Variants in GPR17 observed in about 807,000 individuals in gnomAD.
GPR17 encodes the protein uracil nucleotide/cysteinyl leukotriene receptor.
Under a neutral mutation model 1.5 loss-of-function variants are expected in GPR17, and 4 were observed. The ratio of observed to expected loss-of-function variants is 2.73; its 90% confidence interval spans 1.35 to 6.25. The LOEUF (loss-of-function observed/expected upper bound fraction) is 6.25. Among genes scored for constraint, GPR17 ranks in the 30% most tolerant of loss-of-function variants. GPR17 has a pLI of 0.00. For synonymous variants in GPR17, 209 were observed against 207.6 expected (o/e 1.01, Z -0.06); for missense variants, 463 against 462.1 (o/e 1.00, Z -0.02).
chr2:127,649,179 G>GGAAAGAAGGAAGGAAGGAAGGAAA (rs1316602152), intron 1 of GPR17, among the ~76,000 whole-genome samples: 2,119 of 118,448 alleles, frequency 0.018, 53 homozygotes, highest in African/African-American at 0.091. Flanking sequence ...AAGGAAGGAA[G>GGAAAGAAGGAAGGAAGGAAGGAAA]GAAGGAAGGA....
intron 1 of GPR17, chr2:127,648,183 T>G: frequency 1.0e-6 from 1 of 985,376 alleles, no homozygotes; most frequent in Non-Finnish European, 1.2e-6. Flanking sequence ...AACTCCACAT[T>G]GGACTAAGAA....
At chr2:127,650,158 C>A in intron 1 of GPR17, 2 of 1,284,302 alleles carry the variant, frequency 1.6e-6, no homozygotes, top group Non-Finnish European at 2.2e-6. Context: ...GTGCCAGGGG[C>A]AAGCCATGGT....
At position 127,650,152 on chromosome 2, in the gene GPR17, C is replaced by T. The variant is rs1487239615; in HGVS notation, c.-20-564C>T. ...ATCCTGGGGGCACCCTCCTAAGTGC[C>T]AGGGGCAAGCCATGGTCAGGGGAAG... On this transcript the variant is annotated intron_variant, in intron 1 of 1. Transcript: ENST00000486700. 3.8e-6 allele frequency: 5 copies of T among 1,328,308 alleles called. No individual in the cohort carries two copies. The East Asian group carries it at 1.2e-4, about 33-fold the overall frequency. The allele number at this position is 1,328,308 out of a possible 1,614,324, so 82.3% of individuals were successfully genotyped here. A position where few individuals can be genotyped will look rare whatever the true frequency, so the allele number is the denominator to read the frequency against.
intron 1 of GPR17, among the ~76,000 whole-genome samples, chr2:127,649,492 C>T (rs1455299587): frequency 6.6e-6 from 1 of 152,244 alleles, no homozygotes; most frequent in African/African-American, 2.4e-5. Flanking sequence ...ACCCACCTGG[C>T]CGAAGCCCGC....
Position 127,651,351 on chromosome 2 carries a change from A to G in GPR17, c.616A>G (p.Ile206Val), listed in dbSNP as rs1402822916. 6.2e-7 allele frequency: 1 copy of G among 1,612,132 alleles called. No individual in the cohort carries two copies. ...SLAVAFTFPF[I>V]TTVTCYLLII... ...GGCAGTGGCCTTCACCTTCCCGTTC[A>G]TCACCACGGTCACCTGCTACCTGCT... The change falls in exon 2 of 2, where the codon ATC becomes GTC. Residue 206 changes from isoleucine to valine, a missense_variant. Transcript: ENST00000486700.
intron 1 of GPR17, among the ~76,000 whole-genome samples, chr2:127,649,493 C>T (rs763124778): frequency 3.2e-4 from 49 of 152,334 alleles, no homozygotes; most frequent in African/African-American, 8.4e-4. Context: ...CCCACCTGGC[C>T]GAAGCCCGCT....
intron 1 of GPR17, chr2:127,650,455 T>G (rs571642858): frequency 6.3e-4 from 347 of 551,042 alleles, no homozygotes; most frequent in African/African-American, 5.8e-3. Context: ...GCCTCAGATC[T>G]CCTGGGTGGC....
rs1222206319 is a variant in GPR17, at chr2:127,647,046, G to A, written c.-21+802G>A. 6.6e-6 allele frequency among the ~76,000 whole-genome samples: 1 copy of A among 152,062 alleles called. No homozygotes were observed. Among genetic ancestry groups the A allele is most frequent in the Admixed American group, 6.5e-5 (1 of 15,276 alleles). Reference sequence around the variant, plus strand: ...GCAGGAAGTGGAGGGCAGTGCCCAGGCTGAGGCCCCCGGGCTGGAGGCAGG... The same window carrying A: ...GCAGGAAGTGGAGGGCAGTGCCCAGACTGAGGCCCCCGGGCTGGAGGCAGG... On this transcript the variant is annotated intron_variant, in intron 1 of 1. Coordinates refer to ENST00000486700, the MANE Select transcript of GPR17 (RefSeq NM_001161417.2). This position sits in a 1 kb window ranked among gnomAD's most constrained non-coding sequence, Gnocchi z 4.3.
chr2:127,651,289 A>C lies in GPR17; in HGVS notation c.554A>C (p.Tyr185Ser), dbSNP rs1683751962. 1 of 1,607,850 alleles carries C rather than the reference A, an allele frequency of 6.2e-7. No individual in the cohort carries two copies. The highest frequency in any genetic ancestry group is 1.3e-5 in the African/African-American group (1 of 74,922). Residue 185 changes from tyrosine (Y) to serine (S), a missense_variant, in exon 2 of 2, where the codon TAC becomes TCC. Physicochemically the swap from Tyr to Ser is moderately radical, Grantham distance 144. Transcript: ENST00000486700. The stretch of plus-strand genomic sequence containing the variant: ...CACACGGTGGTCTGCCTGCAGCTGT[A>C]CCGGGAGAAGGCCTCCCACCATGCC... Reference protein sequence around the residue: ...TNHTVVCLQLYREKASHHALV... With the variant: ...TNHTVVCLQLSREKASHHALV...
chr2:127,648,804 C>T (rs1683272422), intron 1 of GPR17, among the ~76,000 whole-genome samples: 1 of 151,280 alleles, frequency 6.6e-6, no homozygotes, highest in Non-Finnish European at 1.5e-5. Context: ...GCCTGTAGTC[C>T]CAGCTATTCA....
At chr2:127,648,054 T>C in intron 1 of GPR17, 1 of 985,786 alleles carries the variant, frequency 1.0e-6, no homozygotes, top group Non-Finnish European at 1.2e-6. Context: ...TCTTCGGCCC[T>C]CAGCTCTCCG....
In GPR17 at chr2:127,651,765, G is replaced by A. The variant is rs369774464; in HGVS notation, c.*10G>A. On this transcript the variant is annotated 3_prime_UTR_variant, in exon 2 of 2. Coordinates refer to ENST00000486700, the MANE Select transcript of GPR17 (RefSeq NM_001161417.2). Reference sequence around the variant, plus strand: ...CAAGTCAGAGCTGTGAGCGGGGGGCGCCGTCCAGGCCGAGCGCAGACTGTT... The same window carrying A: ...CAAGTCAGAGCTGTGAGCGGGGGGCACCGTCCAGGCCGAGCGCAGACTGTT... The A allele has an allele frequency of 3.4e-5, 54 of 1,607,250 alleles. No individual in the cohort carries two copies. The highest frequency in any genetic ancestry group is 5.0e-5 in the Admixed American group (3 of 59,794).
In GPR17 at chr2:127,651,693, C is replaced by A; in HGVS notation, c.958C>A (p.Pro320Thr). Residue 320 changes from proline to threonine, a missense_variant, in exon 2 of 2, where the codon CCG (proline) becomes ACG (threonine). Physicochemically the swap from Pro to Thr is conservative, Grantham distance 38. Transcript: ENST00000486700. ...GCTCTGTGGCAAAAGGCTCAAGGGC[C>A]CGCCCCCCAGCTTCGAAGGGAAAAC... ...NLLCGKRLKG[P>T]PPSFEGKTNE... The A allele has an allele frequency of 1.2e-6, 2 of 1,613,172 alleles. No individual in the cohort carries two copies. The highest frequency in any genetic ancestry group is 1.7e-6 in the Non-Finnish European group (2 of 1,180,022).
In GPR17 at chr2:127,647,774, A is replaced by G. The variant is rs936727902; in HGVS notation, c.-21+1530A>G. Among the ~76,000 whole-genome samples the G allele has an allele frequency of 3.3e-5, 5 of 151,596 alleles. No individual in the cohort carries two copies. The highest frequency in any genetic ancestry group is 1.3e-4 in the Admixed American group (2 of 15,264). On this transcript the variant is annotated intron_variant, in intron 1 of 1. Coordinates refer to ENST00000486700, the MANE Select transcript of GPR17 (RefSeq NM_001161417.2). The surrounding 1 kb of genome is among the most constrained non-coding windows in gnomAD (Gnocchi z 4.3). ...CATGGGCTGTCCTCTCTGCTTGCCCATGCGTCTGCCCTGGAGCCCTGTTCC... is the reference window on the plus strand; with the variant it reads ...CATGGGCTGTCCTCTCTGCTTGCCCGTGCGTCTGCCCTGGAGCCCTGTTCC...
Position 127,651,091 on chromosome 2 carries a change from T to C in GPR17, c.356T>C (p.Ile119Thr), listed in dbSNP as rs1683720485. 5.6e-6 allele frequency: 9 copies of C among 1,613,600 alleles called. No individual in the cohort carries two copies. The highest frequency in any genetic ancestry group is 2.7e-5 in the African/African-American group (2 of 74,952). ...TTCTACCTCAACATGTACGCCAGCA[T>C]CTACTTCCTCACCTGCATCAGCGCC... ...FLFYLNMYAS[I>T]YFLTCISADR... Residue 119 changes from isoleucine (I) to threonine (T), a missense_variant, in exon 2 of 2, where the codon ATC (isoleucine) becomes ACC (threonine). Ile to Thr is a moderately conservative substitution (Grantham distance 89, BLOSUM62 -1). Transcript: ENST00000486700.
Position 127,647,080 on chromosome 2 carries a change from C to T in GPR17, c.-21+836C>T, listed in dbSNP as rs1683070368. Among the ~76,000 whole-genome samples the T allele has an allele frequency of 6.6e-6, 1 of 152,214 alleles. No individual in the cohort carries two copies. Among genetic ancestry groups the T allele is most frequent in the Non-Finnish European group, 1.5e-5 (1 of 68,034 alleles). ...CCCGGGCTGGAGGCAGGAGGCACCA[C>T]AGGCCCACCTGGTGCCATGAGATAT... On this transcript the variant is annotated intron_variant, in intron 1 of 1. Coordinates refer to ENST00000486700, the MANE Select transcript of GPR17 (RefSeq NM_001161417.2). This position sits in a 1 kb window ranked among gnomAD's most constrained non-coding sequence, Gnocchi z 4.3.
rs1165640177 is a variant in GPR17 at position 127,651,200 on chromosome 2, G to T, written c.465G>T (p.Leu155=). 1.2e-6 allele frequency: 2 copies of T among 1,610,486 alleles called. No individual in the cohort carries two copies. The highest frequency in any genetic ancestry group is 1.7e-6 in the Non-Finnish European group (2 of 1,179,740). ...PLYAHLACAF[L]WVVVAVAMAP... is the part of the protein sequence containing the mutation. The stretch of plus-strand genomic sequence containing the variant: ...ACGCACACCTGGCCTGTGCCTTCCT[G>T]TGGGTGGTGGTGGCTGTGGCCATGG... The change falls in exon 2 of 2, where the codon CTG becomes CTT. Residue 155 remains leucine, a synonymous_variant. Transcript: ENST00000486700.
rs60864320 is a variant in GPR17 at position 127,652,330 on chromosome 2, C to T, written c.*575C>T. 30 of 173,694 alleles carry T rather than the reference C, an allele frequency of 1.7e-4. No homozygotes were observed. The East Asian group carries it at 5.4e-3, about 31-fold the overall frequency. The allele number at this position is 173,694 out of a possible 1,614,324, so 10.8% of individuals were successfully genotyped here. Reference sequence around the variant, plus strand: ...AGCGGACGTCAGCACTCACGGCCTGCAGGGACTCAGCACAGCTCTGGATTC... The same window carrying T: ...AGCGGACGTCAGCACTCACGGCCTGTAGGGACTCAGCACAGCTCTGGATTC... On this transcript the variant is annotated 3_prime_UTR_variant, in exon 2 of 2. Transcript: ENST00000486700.
At chr2:127,650,048 C>A in intron 1 of GPR17, 3 of 1,608,282 alleles carry the variant, frequency 1.9e-6, no homozygotes, top group Non-Finnish European at 2.5e-6. Flanking sequence ...ATCCAGAAAG[C>A]CCCCAAGAGA....
Sources: gnomAD v4.1 joint callset for allele counts (sites outside exome capture counted in the v4.1 genomes callset) on GRCh38, gnomAD v4.1.1 for gene constraint, Gnocchi (gnomAD v3.1) non-coding constraint, MANE v1.5 for transcripts, NCBI Gene and HGNC (gene_info 2026-07-23, HGNC 2026-07-21) for gene names.